Variants in TENM2 observed in about 807,000 individuals in gnomAD.
The protein encoded by TENM2 is teneurin transmembrane protein 2.
TENM2 carries 52 observed loss-of-function variants against 245.2 expected under a neutral mutation model. That is an observed-to-expected ratio of 0.21 (90% CI 0.17 to 0.27). The LOEUF (loss-of-function observed/expected upper bound fraction) is 0.27. Among genes scored for constraint, TENM2 ranks in the 10% least tolerant of loss-of-function variants. TENM2 has a pLI of 1.00. For missense variants in TENM2, 3,046 were observed against 3,666.8 expected (o/e 0.83, Z 4.37); for synonymous variants, 1,363 against 1,438.9 (o/e 0.95, Z 1.19).
At chr5:168,021,529 C>T (rs1233864219) in intron 5 of TENM2, among the ~76,000 whole-genome samples, 2 of 152,166 alleles carry the variant, frequency 1.3e-5, no homozygotes, top group East Asian at 3.8e-4. Context: ...TCCTGGTATC[C>T]ACGTTTTGTT....
chr5:167,162,987 C>T, the TENM2 span, among the ~76,000 whole-genome samples: 64 of 152,314 alleles, frequency 4.2e-4, no homozygotes, highest in Admixed American at 4.1e-3. Context: ...ATGAAACATA[C>T]ATTTGGGAGC....
At chr5:167,120,544 G>C in the TENM2 span, among the ~76,000 whole-genome samples, 13 of 152,180 alleles carry the variant, frequency 8.5e-5, no homozygotes, top group African/African-American at 2.9e-4. Flanking sequence ...ATCAGGAGTT[G>C]TCTTTCTGAG....
chr5:167,703,580 G>A (rs1355817471), intron 2 of TENM2, among the ~76,000 whole-genome samples: 2 of 149,158 alleles, frequency 1.3e-5, no homozygotes, highest in African/African-American at 4.9e-5. Context: ...AGCAGCAAAT[G>A]AATTGGGTGT....
At chr5:167,730,951 C>G (rs1446625560) in intron 2 of TENM2, among the ~76,000 whole-genome samples, 2 of 152,132 alleles carry the variant, frequency 1.3e-5, no homozygotes, top group Non-Finnish European at 2.9e-5. Context: ...ATCATTGGTT[C>G]AGTTATAAGA....
intron 9 of TENM2, among the ~76,000 whole-genome samples, chr5:168,105,998 T>A (rs1794211682): frequency 6.6e-6 from 1 of 152,128 alleles, no homozygotes; most frequent in Admixed American, 6.5e-5. Context: ...GGTGTCTGGG[T>A]TTTTTTCTGT....
chr5:168,219,844 AAAAAAG>A (rs1354535523), intron 23 of TENM2, among the ~76,000 whole-genome samples: 1 of 151,478 alleles, frequency 6.6e-6, no homozygotes, highest in Non-Finnish European at 1.5e-5. Flanking sequence ...AAAAAAAAAA[AAAAAAG>A]CGGGGGACAA....
chr5:167,017,964 A>G, the TENM2 span, among the ~76,000 whole-genome samples: 1 of 152,216 alleles, frequency 6.6e-6, no homozygotes, highest in Non-Finnish European at 1.5e-5. Flanking sequence ...GAAAAGACTC[A>G]AACAAATTTG....
At chr5:167,206,005 G>A in the TENM2 span, among the ~76,000 whole-genome samples, 3 of 152,272 alleles carry the variant, frequency 2.0e-5, no homozygotes, top group Middle Eastern at 3.4e-3. Flanking sequence ...CCTGGGAAAC[G>A]CAGGATAATC....
intron 21 of TENM2, among the ~76,000 whole-genome samples, chr5:168,215,993 A>C (rs1348487787): frequency 6.6e-6 from 1 of 152,252 alleles, no homozygotes; most frequent in Non-Finnish European, 1.5e-5. Context: ...CCAGGGGTCC[A>C]GGATGGAGGA....
chr5:168,125,821 T>G (rs1795808797), intron 11 of TENM2, among the ~76,000 whole-genome samples: 1 of 152,038 alleles, frequency 6.6e-6, no homozygotes, highest in African/African-American at 2.4e-5. Flanking sequence ...GACTCTGGCT[T>G]CAACTCTGTT....
chr5:167,802,687 A>G (rs1215139081), intron 2 of TENM2, among the ~76,000 whole-genome samples: 1 of 152,190 alleles, frequency 6.6e-6, no homozygotes, highest in Admixed American at 6.6e-5. Flanking sequence ...TGGGCAGTGT[A>G]CATATTTCTT....
chr5:167,465,155 C>T (rs891748035), intron 2 of TENM2, among the ~76,000 whole-genome samples: 1 of 152,144 alleles, frequency 6.6e-6, no homozygotes, highest in South Asian at 2.1e-4. Context: ...CAGAGATGTT[C>T]CCCACATTTG....
chr5:167,496,375 G>T (rs1189149120), intron 2 of TENM2, among the ~76,000 whole-genome samples: 2 of 152,024 alleles, frequency 1.3e-5, no homozygotes, highest in African/African-American at 4.8e-5. Flanking sequence ...TGTAGGTTCG[G>T]ATGGATTTTG....
At chr5:166,985,736 A>G in the TENM2 span, among the ~76,000 whole-genome samples, 54 of 152,102 alleles carry the variant, frequency 3.6e-4, 3 homozygotes, top group Admixed American at 2.0e-4. Flanking sequence ...AAAACGGTCA[A>G]TCATCACTTC....
intron 2 of TENM2, among the ~76,000 whole-genome samples, chr5:167,656,867 T>G (rs1173155167): frequency 6.6e-6 from 1 of 151,978 alleles, no homozygotes; most frequent in Non-Finnish European, 1.5e-5. Flanking sequence ...ATAGGGTACA[T>G]AGTGATATTT....
the TENM2 span, among the ~76,000 whole-genome samples, chr5:167,039,142 A>G: frequency 3.3e-5 from 5 of 152,164 alleles, no homozygotes; most frequent in African/African-American, 1.2e-4. Context: ...AAGGGAGATT[A>G]TACACTAACC....
chr5:167,694,277 T>C (rs1398651419), intron 2 of TENM2, among the ~76,000 whole-genome samples: 2 of 152,146 alleles, frequency 1.3e-5, no homozygotes, highest in Non-Finnish European at 2.9e-5. Flanking sequence ...TGGAAGCACC[T>C]GGGGATCTCT....
chr5:168,033,841 A>T (rs1223245795), intron 5 of TENM2, among the ~76,000 whole-genome samples: 1 of 151,860 alleles, frequency 6.6e-6, no homozygotes, highest in Non-Finnish European at 1.5e-5. Flanking sequence ...AGCCTGACCA[A>T]CATGGTGAAA....
intron 1 of TENM2, among the ~76,000 whole-genome samples, chr5:167,339,131 G>A (rs1324904406): frequency 1.3e-5 from 2 of 152,102 alleles, no homozygotes; most frequent in Non-Finnish European, 2.9e-5. Context: ...TCCAACAACA[G>A]CCCTAAAGTC....
Sources: allele counts gnomAD v4.1 joint callset (sites outside exome capture counted in the v4.1 genomes callset), GRCh38; gene constraint gnomAD v4.1.1; transcripts MANE v1.5; gene names NCBI Gene and HGNC (gene_info 2026-07-23, HGNC 2026-07-21).